Variants in DRP2 observed in about 807,000 individuals in gnomAD.
The protein encoded by DRP2 is dystrophin related protein 2, also known as dystrophin-related protein 2.
A neutral mutation model predicts 78.2 loss-of-function variants in DRP2; 29 were observed. The ratio of observed to expected loss-of-function variants is 0.37; its 90% CI spans 0.28 to 0.51. DRP2 has a LOEUF of 0.51. Among genes scored for constraint, DRP2 ranks in the 20% least tolerant of loss-of-function variants. The probability of loss-of-function intolerance (pLI) is 0.94; values close to 1 mark genes in which losing one functional copy is unlikely to be tolerated. For synonymous variants in DRP2, 290 were observed against 281.9 expected (o/e 1.03, Z -0.29); for missense variants, 686 against 770.6 (o/e 0.89, Z 1.30).
At chrX:101,253,062 C>G (rs1039404581) in intron 17 of DRP2, among the ~76,000 whole-genome samples, 1 of 112,088 alleles carries the variant, frequency 8.9e-6, no homozygotes, top group Non-Finnish European at 1.9e-5. Context: ...GATTCGCCTT[C>G]CATTGCTCAC....
rs5967282 is a variant in DRP2, at chrX:101,260,343, A to G, written c.2750-154A>G. Reference sequence around the variant, plus strand: ...TCATATGCTTATTCCACAAATAAATATACATTGAGCACAACCTATGTATTA... The same window carrying G: ...TCATATGCTTATTCCACAAATAAATGTACATTGAGCACAACCTATGTATTA... On this transcript the variant is annotated intron_variant, in intron 23 of 23. Coordinates refer to ENST00000395209, the MANE Select transcript of DRP2 (RefSeq NM_001939.3). Among the ~76,000 whole-genome samples, 38,965 of 111,505 alleles carry G rather than the reference A, an allele frequency of 0.35. 4,906 individuals carry two copies. Among genetic ancestry groups the G allele is most frequent in the Middle Eastern group, 0.46 (97 of 213 alleles).
intron 13 of DRP2, 98 bp downstream of exon 13, chrX:101,248,388 C>T: frequency 1.8e-6 from 2 of 1,102,977 alleles, no homozygotes; most frequent in African/African-American, 1.8e-5. Flanking sequence ...TAGACTTGGA[C>T]CCAGCTCAGC....
chrX:101,260,627 C>A lies in DRP2; in HGVS notation c.*6C>A. The A allele has an allele frequency of 1.7e-6, 2 of 1,206,265 alleles. No individual in the cohort carries two copies. The highest frequency in any genetic ancestry group is 1.1e-6 in the Non-Finnish European group (1 of 893,197). On this transcript the variant is annotated 3_prime_UTR_variant, in exon 24 of 24. Coordinates refer to ENST00000395209, the MANE Select transcript of DRP2 (RefSeq NM_001939.3). ...ACACCCTGCTGGCCTCTTGATGGAG[C>A]CAGATCCCCATCCTATAGTTCATAG...
intron 5 of DRP2, 41 bp downstream of exon 5, chrX:101,237,816 G>A: frequency 9.4e-7 from 1 of 1,060,234 alleles, no homozygotes; most frequent in Non-Finnish European, 1.2e-6. Flanking sequence ...TAGCCTCTCA[G>A]CTGGGGAGGA....
Position 101,252,599 on chromosome X carries a change from C to T in DRP2, c.1866-6C>T. The T allele has an allele frequency of 8.3e-7, 1 of 1,208,137 alleles. No homozygotes were observed. Among genetic ancestry groups the T allele is most frequent in the South Asian group, 1.8e-5 (1 of 56,730 alleles). On this transcript the variant is annotated splice_polypyrimidine_tract_variant and splice_region_variant and intron_variant, in intron 16 of 23. Transcript: ENST00000395209. ...CTCTTTCCTACTACATCTCCTCTCC[C>T]CCAAGGTACCGGAGTCTGAAGCAAT... is the stretch of plus-strand genomic sequence containing the variant.
chrX:101,235,802 G>A, intron 3 of DRP2, 58 bp from the exon 4 acceptor site: 2 of 1,135,433 alleles, frequency 1.8e-6, no homozygotes, highest in South Asian at 2.1e-5. Context: ...CCTTGGCTTG[G>A]TGCAGACCAG....
chrX:101,258,703 G>A (rs942977141), intron 22 of DRP2, among the ~76,000 whole-genome samples, 157 bp downstream of exon 22: 17 of 109,940 alleles, frequency 1.5e-4, no homozygotes, highest in Non-Finnish European at 2.8e-4. Flanking sequence ...GTTGGTGGGG[G>A]GGCGGGGGAA....
intron 14 of DRP2, among the ~76,000 whole-genome samples, chrX:101,249,548 A>G (rs2238992): frequency 0.33 from 36,810 of 110,136 alleles, 4,573 homozygotes; most frequent in Middle Eastern, 0.39. Flanking sequence ...ACTTGAGCCC[A>G]GAAGTTCAAG....
chrX:101,259,982 C>T, intron 22 of DRP2, 67 bp from the exon 23 acceptor site: 2 of 1,189,595 alleles, frequency 1.7e-6, no homozygotes, highest in Non-Finnish European at 2.3e-6. Context: ...CCCTTCTAAG[C>T]TCAGGAGTCT....
intron 17 of DRP2, among the ~76,000 whole-genome samples, 175 bp downstream of exon 17, chrX:101,252,891 G>A (rs961255860): frequency 7.1e-5 from 8 of 111,984 alleles, no homozygotes; most frequent in Non-Finnish European, 1.3e-4. Context: ...TTCCAGCAGA[G>A]CTTCTCCCTC....
intron 8 of DRP2, 108 bp downstream of exon 8, chrX:101,242,579 G>T (rs1165878954): frequency 1.0e-6 from 1 of 957,590 alleles, no homozygotes; most frequent in African/African-American, 1.9e-5. Context: ...GAAAAGAGGA[G>T]TGGAGAATGT....
At chrX:101,254,291 C>G in intron 17 of DRP2, 134 bp from the exon 18 acceptor site, 2 of 840,684 alleles carry the variant, frequency 2.4e-6, no homozygotes, top group Non-Finnish European at 3.4e-6. Flanking sequence ...AGACCTTCTT[C>G]TAGGAGCAGG....
At chrX:101,253,381 A>G (rs144189088) in intron 17 of DRP2, among the ~76,000 whole-genome samples, 132 of 109,446 alleles carry the variant, frequency 1.2e-3, no homozygotes, top group Middle Eastern at 4.7e-3. Flanking sequence ...CTTAGCTTCC[A>G]GCACTGACTC....
In DRP2 at chrX:101,250,901, C is replaced by T. The variant is rs1381608371; in HGVS notation, c.1699-16C>T. The T allele has an allele frequency of 8.3e-7, 1 of 1,208,497 alleles. No individual in the cohort carries two copies. Among genetic ancestry groups the T allele is most frequent in the Non-Finnish European group, 1.1e-6 (1 of 894,005 alleles). On this transcript the variant is annotated splice_polypyrimidine_tract_variant and intron_variant, in intron 15 of 23. Coordinates refer to ENST00000395209, the MANE Select transcript of DRP2 (RefSeq NM_001939.3). ...TTGGGCCTCAGTCATTCCCATTGGT[C>T]TTCTTGTTTCCGTAGAGCACCGGGA... is the stretch of plus-strand genomic sequence containing the variant.
Position 101,247,131 on chromosome X carries a change from A to G in DRP2, c.1219A>G (p.Met407Val), listed in dbSNP as rs1304886422. ...NIKFSAYRTA[M>V]KLRRVQKALR... ...TAAGTTCTCAGCTTATCGCACTGCC[A>G]TGAAACTCCGCAGAGTCCAGAAAGC... The change falls in exon 12 of 24, where the codon ATG (methionine) becomes GTG (valine). Residue 407 changes from methionine (M) to valine (V), a missense_variant. This residue lies in a region of DRP2 where 423 missense variants were observed against 531.5 expected (regional missense o/e 0.80). Coordinates refer to ENST00000395209, the MANE Select transcript of DRP2 (RefSeq NM_001939.3). 2.5e-6 allele frequency: 3 copies of G among 1,211,145 alleles called. No homozygotes were observed. The highest frequency in any genetic ancestry group is 3.4e-6 in the Non-Finnish European group (3 of 895,256).
At chrX:101,237,918 G>T in intron 5 of DRP2, 143 bp downstream of exon 5, 1 of 574,305 alleles carries the variant, frequency 1.7e-6, no homozygotes, top group Non-Finnish European at 2.4e-6. Flanking sequence ...TCTGTGGCTA[G>T]CATGCCACAG....
intron 3 of DRP2, among the ~76,000 whole-genome samples, chrX:101,234,820 A>C (rs927510744): frequency 1.0e-4 from 11 of 109,722 alleles, no homozygotes; most frequent in Non-Finnish European, 1.7e-4. Flanking sequence ...AATTGCCTGG[A>C]GAGTCTTGTG....
In DRP2 at chrX:101,264,402, G is replaced by A. The variant is rs1188062138; in HGVS notation, c.*3781G>A. On this transcript the variant is annotated 3_prime_UTR_variant, in exon 24 of 24. Transcript: ENST00000395209. The stretch of plus-strand genomic sequence containing the variant: ...GTCTAGGGGACAAAGGGACAGGGTT[G>A]GGAACAAATTGGTTAACTTTGATTG... The A allele has an allele frequency of 3.6e-5, 4 of 111,855 alleles. No homozygotes were observed. The highest frequency in any genetic ancestry group is 5.6e-5 in the Non-Finnish European group (3 of 53,171). 9.2% of individuals were successfully genotyped at this position (111,855 alleles called of 1,213,427 possible). A position where few individuals can be genotyped will look rare whatever the true frequency, so the allele number is the denominator to read the frequency against.
At chrX:101,243,385 G>A (rs1454282714) in intron 9 of DRP2, among the ~76,000 whole-genome samples, 3 of 81,001 alleles carry the variant, frequency 3.7e-5, no homozygotes, top group African/African-American at 1.5e-4. Flanking sequence ...CGATAAGGAT[G>A]AAACTCCGTC....
Sources: gnomAD v4.1 joint callset for allele counts (sites outside exome capture counted in the v4.1 genomes callset) on GRCh38, gnomAD v4.1.1 for gene constraint, gnomAD v4.1.1 regional missense constraint, MANE v1.5 for transcripts, NCBI Gene and HGNC (gene_info 2026-07-23, HGNC 2026-07-21) for gene names.